Variants in TSPAN18 observed in about 807,000 individuals in gnomAD.
TSPAN18 encodes the protein tetraspanin-18.
Under a neutral mutation model 27.3 loss-of-function variants are expected in TSPAN18, and 14 were observed. The observed-to-expected ratio is 0.51, with a 90% CI of 0.34 to 0.80. TSPAN18 has a LOEUF of 0.80. Among genes scored for constraint, TSPAN18 ranks in the 30% least tolerant of loss-of-function variants. The pLI, the probability that TSPAN18 is intolerant of heterozygous loss-of-function variation, is 0.01. For synonymous variants in TSPAN18, 143 were observed against 136.5 expected, an observed-to-expected ratio of 1.05 and a Z score of -0.33; for missense variants, 268 against 323.9, an observed-to-expected ratio of 0.83 and a Z score of 1.32.
chr11:44,812,601 GGTTCCTAGAGAA>G (rs2135101218), intron 2 of TSPAN18, among the ~76,000 whole-genome samples: 1 of 152,236 alleles, frequency 6.6e-6, no homozygotes, highest in Admixed American at 6.5e-5. Flanking sequence ...TCCCTAGTCT[GGTTCCTAGAGAA>G]TGAATAGTGG....
At position 44,929,495 on chromosome 11, in the gene TSPAN18, C is replaced by G. The variant is rs1048887704; in HGVS notation, c.*317C>G. The G allele has an allele frequency of 2.7e-6, 1 of 369,934 alleles. No homozygotes were observed. Among genetic ancestry groups the G allele is most frequent in the African/African-American group, 2.1e-5 (1 of 48,288 alleles). The allele number at this position is 369,934 out of a possible 1,614,324, so 22.9% of individuals were successfully genotyped here. A position where few individuals can be genotyped will look rare whatever the true frequency, so the allele number is the denominator to read the frequency against. On this transcript the variant is annotated 3_prime_UTR_variant, in exon 10 of 10. Coordinates refer to ENST00000520358, the MANE Select transcript of TSPAN18 (RefSeq NM_130783.5). The stretch of plus-strand genomic sequence containing the variant: ...GGCCCAGCGCCCTCTTTGGTCCAGC[C>G]AGACCCTGGGCCCTCTCTCCTCACT...
intron 2 of TSPAN18, among the ~76,000 whole-genome samples, chr11:44,786,695 G>A (rs1361431641): frequency 6.9e-6 from 1 of 143,892 alleles, no homozygotes; most frequent in African/African-American, 2.6e-5. Context: ...GCAGAGGTGC[G>A]ATCTCGGCTC....
At chr11:44,911,899 G>A (rs1178005098) in intron 5 of TSPAN18, among the ~76,000 whole-genome samples, 2 of 151,250 alleles carry the variant, frequency 1.3e-5, no homozygotes, top group African/African-American at 4.9e-5. Context: ...GGGGCCCTTC[G>A]ACAAGGCCTG....
chr11:44,747,021 G>A (rs551604069), intron 1 of TSPAN18, among the ~76,000 whole-genome samples: 3 of 152,348 alleles, frequency 2.0e-5, no homozygotes, highest in Admixed American at 2.0e-4. Context: ...GCCCAGCCCT[G>A]TGTCCCCAGC....
At chr11:44,883,419 A>C (rs1858549665) in intron 3 of TSPAN18, among the ~76,000 whole-genome samples, 1 of 152,176 alleles carries the variant, frequency 6.6e-6, no homozygotes, top group African/African-American at 2.4e-5. Flanking sequence ...GTGGCTTCCA[A>C]ATGAGTCATA....
chr11:44,883,210 C>T (rs951556823), intron 3 of TSPAN18, among the ~76,000 whole-genome samples: 3 of 152,200 alleles, frequency 2.0e-5, no homozygotes, highest in Admixed American at 2.0e-4. Flanking sequence ...CTGCAAGCCA[C>T]GGATTGGGCT....
chr11:44,867,728 G>A (rs956934991), intron 3 of TSPAN18, among the ~76,000 whole-genome samples: 3 of 152,170 alleles, frequency 2.0e-5, no homozygotes, highest in African/African-American at 7.2e-5. Flanking sequence ...AGGGGACAAA[G>A]GAGTCTGTGT....
intron 2 of TSPAN18, among the ~76,000 whole-genome samples, chr11:44,781,663 C>T (rs1855942354): frequency 6.6e-6 from 1 of 152,204 alleles, no homozygotes; most frequent in South Asian, 2.1e-4. Flanking sequence ...TACCTTCATA[C>T]ACACTTACCC....
chr11:44,726,520 C>G (rs1420231126), upstream of TSPAN18: 1 of 152,154 alleles, frequency 6.6e-6, no homozygotes, highest in Non-Finnish European at 1.5e-5. Context: ...ACAGGTACTT[C>G]CCCCGGCAGC....
chr11:44,780,134 C>A (rs1284885892), intron 2 of TSPAN18, among the ~76,000 whole-genome samples: 7 of 152,164 alleles, frequency 4.6e-5, no homozygotes, highest in Admixed American at 4.6e-4. Flanking sequence ...CACATCCTTC[C>A]CTACACATTT....
At chr11:44,805,253 C>T (rs183295144) in intron 2 of TSPAN18, among the ~76,000 whole-genome samples, 1 of 152,306 alleles carries the variant, frequency 6.6e-6, no homozygotes, top group Non-Finnish European at 1.5e-5. Context: ...GCGGCAGATG[C>T]GTGCATCTGT....
intron 3 of TSPAN18, among the ~76,000 whole-genome samples, chr11:44,891,390 C>G (rs1858845649): frequency 1.3e-5 from 2 of 152,140 alleles, no homozygotes; most frequent in Admixed American, 6.5e-5. Flanking sequence ...CACACCATCT[C>G]TAAGCCCAGT....
intron 2 of TSPAN18, among the ~76,000 whole-genome samples, chr11:44,791,530 G>T (rs542676672): frequency 1.3e-5 from 2 of 152,124 alleles, no homozygotes; most frequent in Admixed American, 6.6e-5. Flanking sequence ...AATAATGACC[G>T]CCCTGATGCC....
At chr11:44,787,433 G>A (rs1257189877) in intron 2 of TSPAN18, among the ~76,000 whole-genome samples, 2 of 152,192 alleles carry the variant, frequency 1.3e-5, no homozygotes, top group Non-Finnish European at 2.9e-5. Flanking sequence ...GGGTGGTGCA[G>A]AGCTGGAAAA....
At chr11:44,730,934 T>A (rs1398426468) in intron 1 of TSPAN18, among the ~76,000 whole-genome samples, 2 of 152,178 alleles carry the variant, frequency 1.3e-5, no homozygotes, top group Non-Finnish European at 2.9e-5. Flanking sequence ...TTTGAAACAC[T>A]TTTTATAAAG....
At chr11:44,737,370 A>T (rs1001816515) in intron 1 of TSPAN18, among the ~76,000 whole-genome samples, 1 of 152,102 alleles carries the variant, frequency 6.6e-6, no homozygotes, top group African/African-American at 2.4e-5. Flanking sequence ...TGGGAAGATC[A>T]CTTTCAGAAT....
At chr11:44,915,872 C>T (rs548538404) in intron 5 of TSPAN18, among the ~76,000 whole-genome samples, 10 of 152,278 alleles carry the variant, frequency 6.6e-5, no homozygotes, top group Non-Finnish European at 1.0e-4. Context: ...GTCCGGTGCC[C>T]GGCGGTCCCC....
chr11:44,909,977 C>A (rs1248548243), intron 5 of TSPAN18, 78 bp downstream of exon 5: 2 of 1,499,060 alleles, frequency 1.3e-6, no homozygotes, highest in Non-Finnish European at 1.8e-6. Flanking sequence ...CCAGGCCCTG[C>A]CTGGCTTCCA....
At chr11:44,764,134 A>G (rs984332280) in intron 1 of TSPAN18, among the ~76,000 whole-genome samples, 1 of 152,164 alleles carries the variant, frequency 6.6e-6, no homozygotes, top group Non-Finnish European at 1.5e-5. Flanking sequence ...CACTGAGGGG[A>G]CAGTGCTAAC....
Sources: allele counts gnomAD v4.1 joint callset (sites outside exome capture counted in the v4.1 genomes callset), GRCh38; gene constraint gnomAD v4.1.1; transcripts MANE v1.5; gene names NCBI Gene and HGNC (gene_info 2026-07-23, HGNC 2026-07-21).